Variants in SORBS3 observed in about 807,000 individuals in gnomAD.
SORBS3 encodes the protein vinexin.
Under a neutral mutation model 98.0 loss-of-function variants are expected in SORBS3, and 69 were observed. That is an observed-to-expected ratio of 0.70 (90% CI 0.58 to 0.86). SORBS3 has a LOEUF of 0.86. SORBS3 is among the 40% of genes least tolerant of loss of function. The probability of loss-of-function intolerance (pLI) is 0.00; values close to 1 mark genes in which losing one functional copy is unlikely to be tolerated. For missense variants in SORBS3, 954 were observed against 908.5 expected (o/e 1.05, Z -0.64); for synonymous variants, 394 against 355.4 (o/e 1.11, Z -1.22).
chr8:22,552,014 C>T lies in SORBS3; in HGVS notation c.-64C>T. 1.0e-6 allele frequency: 1 copy of T among 985,438 alleles called. No homozygotes were observed. Among genetic ancestry groups the T allele is most frequent in the Non-Finnish European group, 1.2e-6 (1 of 829,958 alleles). The allele number at this position is 985,438 out of a possible 1,614,324, so 61.0% of individuals were successfully genotyped here. A position where few individuals can be genotyped will look rare whatever the true frequency, so the allele number is the denominator to read the frequency against. On this transcript the variant is annotated 5_prime_UTR_variant, in exon 1 of 21. Transcript: ENST00000240123. ...GGCCTCGGGCCCAGCCACCTGCTCG[C>T]CGGGGAAGGTAGGTCCGGGCAAGGA...
At position 22,561,392 on chromosome 8, in the gene SORBS3, A is replaced by T; in HGVS notation, c.517+19A>T. On this transcript the variant is annotated intron_variant, in intron 6 of 20. Coordinates refer to ENST00000240123, the MANE Select transcript of SORBS3 (RefSeq NM_005775.5). Reference sequence around the variant, plus strand: ...CCCAGAGGTGAGGGGATGCGGGCCCACCTGCCTGCCATAGCCCTGCGCCTG... The same window carrying T: ...CCCAGAGGTGAGGGGATGCGGGCCCTCCTGCCTGCCATAGCCCTGCGCCTG... The T allele has an allele frequency of 6.2e-7, 1 of 1,612,000 alleles. No individual in the cohort carries two copies. The highest frequency in any genetic ancestry group is 8.5e-7 in the Non-Finnish European group (1 of 1,179,374).
intron 1 of SORBS3, 77 bp downstream of exon 1, chr8:22,552,099 C>T: frequency 1.0e-6 from 1 of 977,936 alleles, no homozygotes; most frequent in Non-Finnish European, 1.2e-6. Flanking sequence ...GGGAATCGCA[C>T]CTAGCCCCTC....
intron 17 of SORBS3, among the ~76,000 whole-genome samples, chr8:22,570,286 C>T (rs1435015300): frequency 6.6e-6 from 1 of 152,156 alleles, no homozygotes; most frequent in Non-Finnish European, 1.5e-5. Context: ...CTGGAGGCCA[C>T]CCTCCCAGGG....
In SORBS3 at chr8:22,554,662, C is replaced by A; in HGVS notation, c.102+54C>A. On this transcript the variant is annotated intron_variant, in intron 2 of 20. Coordinates refer to ENST00000240123, the MANE Select transcript of SORBS3 (RefSeq NM_005775.5). The surrounding 1 kb of genome is among the most constrained non-coding windows in gnomAD (Gnocchi z 6.5). Reference sequence around the variant, plus strand: ...CCTGCGGGCCCGGAGTTGGTTGGGACGCTAGCAGGTCAGGTGGGGGCAGGA... The same window carrying A: ...CCTGCGGGCCCGGAGTTGGTTGGGAAGCTAGCAGGTCAGGTGGGGGCAGGA... The A allele has an allele frequency of 6.5e-7, 1 of 1,543,078 alleles. No homozygotes were observed. Among genetic ancestry groups the A allele is most frequent in the South Asian group, 1.2e-5 (1 of 83,694 alleles).
rs563126339 is a variant in SORBS3, at chr8:22,561,281, C to T, written c.479-54C>T. 7.9e-6 allele frequency: 12 copies of T among 1,528,440 alleles called. No individual in the cohort carries two copies. The African/African-American group carries it at 1.1e-4, about 14-fold the overall frequency. 94.7% of individuals were successfully genotyped at this position (1,528,440 alleles called of 1,614,324 possible). ...GCGGCTGAGGTTGCCTCCCAGGGCA[C>T]CCTGCCCTTGCTTTCTGCCCCGTCC... On this transcript the variant is annotated intron_variant, in intron 5 of 20. Coordinates refer to ENST00000240123, the MANE Select transcript of SORBS3 (RefSeq NM_005775.5).
chr8:22,551,229 CCCA>C (rs1371029769), upstream of SORBS3, among the ~76,000 whole-genome samples: 1 of 152,202 alleles, frequency 6.6e-6, no homozygotes, highest in Non-Finnish European at 1.5e-5. This position sits in a 1 kb window ranked among gnomAD's most constrained non-coding sequence, Gnocchi z 5.8. Context: ...TGTGAGCGTC[CCCA>C]CGTTTGCAGT....
At chr8:22,574,442 T>C (rs1219880103) in intron 20 of SORBS3, among the ~76,000 whole-genome samples, 3 of 152,102 alleles carry the variant, frequency 2.0e-5, no homozygotes, top group African/African-American at 7.3e-5. Flanking sequence ...CATTTGTTGA[T>C]TGCTCAGATT....
chr8:22,570,645 C>G (rs1840549520), intron 17 of SORBS3, among the ~76,000 whole-genome samples: 1 of 152,152 alleles, frequency 6.6e-6, no homozygotes, highest in Admixed American at 6.5e-5. Flanking sequence ...GGGGAGGGAC[C>G]TTGCTATGAA....
In SORBS3 at chr8:22,565,057, C is replaced by T. The variant is rs895158204; in HGVS notation, c.817-211C>T. 16 of 1,419,340 alleles carry T rather than the reference C, an allele frequency of 1.1e-5. No homozygotes were observed. The Admixed American group carries it at 2.6e-4, about 23-fold the overall frequency. The allele number at this position is 1,419,340 out of a possible 1,614,324, so 87.9% of individuals were successfully genotyped here. A position where few individuals can be genotyped will look rare whatever the true frequency, so the allele number is the denominator to read the frequency against. The stretch of plus-strand genomic sequence containing the variant: ...GGATCAGGAAGCGCGTAGGCACTCC[C>T]GGGGCGTGCTGGGCAGGTGAGAGGC... On this transcript the variant is annotated intron_variant, in intron 10 of 20. Transcript: ENST00000240123.
chr8:22,549,055 A>G (rs958009618), upstream of SORBS3, among the ~76,000 whole-genome samples: 1 of 152,222 alleles, frequency 6.6e-6, no homozygotes, highest in African/African-American at 2.4e-5. Context: ...GTGCAGCCTC[A>G]AGGGCTTGAG....
intron 4 of SORBS3, 144 bp downstream of exon 4, chr8:22,557,052 T>C: frequency 1.1e-6 from 1 of 931,134 alleles, no homozygotes; most frequent in Non-Finnish European, 1.6e-6. Flanking sequence ...CGTGGTGGGG[T>C]TCAGCGGCTG....
At chr8:22,552,943 A>C (rs1354647268) in intron 1 of SORBS3, among the ~76,000 whole-genome samples, 4 of 152,130 alleles carry the variant, frequency 2.6e-5, no homozygotes, top group African/African-American at 4.8e-5. Context: ...CACTCCCCCC[A>C]GTCAGGCATG....
chr8:22,566,494 C>T lies in SORBS3; in HGVS notation c.1090+10C>T, dbSNP rs558048961. The stretch of plus-strand genomic sequence containing the variant: ...CCTTCCTCAACCCGAGGTAAGGACC[C>T]AGCCCTGCTCTCTTTCTCACGGAGA... On this transcript the variant is annotated intron_variant, in intron 13 of 20. Coordinates refer to ENST00000240123, the MANE Select transcript of SORBS3 (RefSeq NM_005775.5). The T allele has an allele frequency of 1.9e-6, 3 of 1,611,646 alleles. No individual in the cohort carries two copies. The African/African-American group carries it at 4.0e-5, about 21-fold the overall frequency.
upstream of SORBS3, among the ~76,000 whole-genome samples, chr8:22,549,413 C>T (rs1190582465): frequency 5.3e-5 from 8 of 152,304 alleles, no homozygotes; most frequent in East Asian, 3.9e-4. Flanking sequence ...AGGGAGGCGT[C>T]GGGAAATCAG....
chr8:22,563,547 AGCTTCTTCAAAGCTGCACAGAC>A (rs1372605615), intron 7 of SORBS3, among the ~76,000 whole-genome samples: 1 of 152,204 alleles, frequency 6.6e-6, no homozygotes, highest in Non-Finnish European at 1.5e-5. Context: ...CAGAAAGACC[AGCTTCTTCAAAGCTGCACAGAC>A]GCACATAGCC....
At chr8:22,564,585 C>A in intron 10 of SORBS3, 64 bp downstream of exon 10, 1 of 1,594,372 alleles carries the variant, frequency 6.3e-7, no homozygotes, top group Non-Finnish European at 8.6e-7. Flanking sequence ...GTTTTGGTGG[C>A]CCCAGTAACC....
rs1395457987 is a variant in SORBS3, at chr8:22,551,971, G to T, written c.-107G>T. The stretch of plus-strand genomic sequence containing the variant: ...CGCCAGGCAGCAGCCGGGCAGGGAT[G>T]CTCCTGCGCTCCCGGGCGGCCTCGG... On this transcript the variant is annotated 5_prime_UTR_variant, in exon 1 of 21. It removes an upstream start codon present in the reference 5' UTR. Transcript: ENST00000240123. The surrounding 1 kb of genome is among the most constrained non-coding windows in gnomAD (Gnocchi z 5.8). 2 of 985,262 alleles carry T rather than the reference G, an allele frequency of 2.0e-6. No individual in the cohort carries two copies. Among genetic ancestry groups the T allele is most frequent in the African/African-American group, 3.5e-5 (2 of 57,218 alleles). The allele number at this position is 985,262 out of a possible 1,614,324, so 61.0% of individuals were successfully genotyped here. A position where few individuals can be genotyped will look rare whatever the true frequency, so the allele number is the denominator to read the frequency against.
chr8:22,550,315 T>A (rs117865741), upstream of SORBS3, among the ~76,000 whole-genome samples: 11 of 152,236 alleles, frequency 7.2e-5, no homozygotes, highest in East Asian at 2.1e-3. Context: ...CTTGTTCAGC[T>A]CCCCGCTCAG....
intron 5 of SORBS3, among the ~76,000 whole-genome samples, chr8:22,559,714 A>AAAG (rs201613398): frequency 2.0e-5 from 3 of 150,806 alleles, no homozygotes; most frequent in Non-Finnish European, 4.4e-5. Context: ...AAAAAAAAAA[A>AAAG]GAAAAAAAGA....
Sources: allele counts gnomAD v4.1 joint callset (sites outside exome capture counted in the v4.1 genomes callset), GRCh38; gene constraint gnomAD v4.1.1; non-coding constraint Gnocchi (gnomAD v3.1); transcripts MANE v1.5; gene names NCBI Gene and HGNC (gene_info 2026-07-23, HGNC 2026-07-21).